The following PTPRQ variants were observed in gnomAD, a reference collection of about 807,000 sequenced individuals.
PTPRQ encodes protein tyrosine phosphatase receptor type Q, also known as phosphatidylinositol phosphatase PTPRQ.
A neutral mutation model predicts 246.0 loss-of-function variants in PTPRQ; 199 were observed. The ratio of observed to expected loss-of-function variants is 0.81; its 90% CI spans 0.72 to 0.91. PTPRQ has a LOEUF of 0.91. Ranked by LOEUF, PTPRQ falls within the 40% of genes least tolerant of loss-of-function variation. The pLI, the probability that PTPRQ is intolerant of heterozygous loss-of-function variation, is 0.00. For synonymous variants in PTPRQ, 869 were observed against 853.2 expected, an observed-to-expected ratio of 1.02 and a Z score of -0.32; for missense variants, 2,624 against 2,528.4, an observed-to-expected ratio of 1.04 and a Z score of -0.81.
At chr12:80,446,188 G>C (rs184334488) in intron 3 of PTPRQ, among the ~76,000 whole-genome samples, 1 of 149,684 alleles carries the variant, frequency 6.7e-6, no homozygotes, top group East Asian at 2.0e-4. Context: ...TACAATTTAC[G>C]TATGAAAATT....
At chr12:80,667,922 A>T (rs953830454) in intron 39 of PTPRQ, among the ~76,000 whole-genome samples, 1 of 151,966 alleles carries the variant, frequency 6.6e-6, no homozygotes, top group Admixed American at 6.6e-5. Context: ...ATTTTCTACA[A>T]GCAAATGTTC....
In PTPRQ at chr12:80,588,350, G is replaced by C; in HGVS notation, c.4507G>C (p.Gly1503Arg). The stretch of plus-strand genomic sequence containing the variant: ...TCACTTAACTGAAGAGACAGTATAT[G>C]GATTAAAGAAATTTAGATGGTATAG... ...EAHLTEETVY[G>R]LKKFRWYRFQ... is the part of the protein sequence containing the mutation. The change falls in exon 26 of 45, where the codon GGA becomes CGA. Residue 1503 changes from glycine (G) to arginine (R), a missense_variant. By Grantham distance (125) the Gly-to-Arg change is moderately radical (BLOSUM62 -2). Transcript: ENST00000644991. 6.5e-7 allele frequency: 1 copy of C among 1,548,642 alleles called. No homozygotes were observed. The highest frequency in any genetic ancestry group is 8.7e-7 in the Non-Finnish European group (1 of 1,145,280).
rs1444185093 is a variant in PTPRQ, at chr12:80,478,888, A to G, written c.1187-5545A>G. Among the ~76,000 whole-genome samples the G allele has an allele frequency of 2.0e-5, 3 of 152,224 alleles. No homozygotes were observed. The East Asian group carries it at 5.8e-4, about 29-fold the overall frequency. Reference sequence around the variant, plus strand: ...ATATGGGACTATGTGAAAAGACCAAATCTACGTCTGATTGGTGTACCTGAA... The same window carrying G: ...ATATGGGACTATGTGAAAAGACCAAGTCTACGTCTGATTGGTGTACCTGAA... On this transcript the variant is annotated intron_variant, in intron 8 of 44. Coordinates refer to ENST00000644991, the MANE Select transcript of PTPRQ (RefSeq NM_001145026.2).
intron 3 of PTPRQ, among the ~76,000 whole-genome samples, chr12:80,447,018 C>G (rs1490987561): frequency 6.6e-6 from 1 of 151,966 alleles, no homozygotes; most frequent in East Asian, 1.9e-4. Flanking sequence ...GGTTACATTT[C>G]TAGCAACAGT....
intron 26 of PTPRQ, among the ~76,000 whole-genome samples, chr12:80,593,505 C>T (rs1897869777): frequency 1.3e-5 from 2 of 152,238 alleles, no homozygotes; most frequent in Admixed American, 6.5e-5. Flanking sequence ...TCAACCAACT[C>T]AAGCTAACCA....
intron 35 of PTPRQ, among the ~76,000 whole-genome samples, chr12:80,637,178 A>G (rs908369622): frequency 5.3e-5 from 7 of 133,180 alleles, no homozygotes; most frequent in African/African-American, 2.0e-4. Flanking sequence ...GCGAGACTCC[A>G]TGTCAAACAA....
chr12:80,620,036 C>G (rs1214004617), intron 31 of PTPRQ, 118 bp from the exon 32 acceptor site: 87 of 1,277,826 alleles, frequency 6.8e-5, no homozygotes, highest in Non-Finnish European at 8.8e-5. Context: ...TGAATTATCT[C>G]TGGTGACTGA....
At chr12:80,505,980 T>G in intron 14 of PTPRQ, 44 bp from the exon 15 acceptor site, 1 of 1,512,342 alleles carries the variant, frequency 6.6e-7, no homozygotes, top group East Asian at 2.5e-5. Flanking sequence ...AATAGATTTT[T>G]AGAATGGAAT....
intron 26 of PTPRQ, among the ~76,000 whole-genome samples, chr12:80,589,555 A>G (rs1324717847): frequency 3.3e-5 from 5 of 152,252 alleles, no homozygotes; most frequent in Non-Finnish European, 5.9e-5. Context: ...GTACTTATAG[A>G]TAGTGAAATA....
intron 37 of PTPRQ, among the ~76,000 whole-genome samples, 197 bp downstream of exon 37, chr12:80,649,866 A>G (rs1900199335): frequency 6.6e-6 from 1 of 152,048 alleles, no homozygotes; most frequent in Non-Finnish European, 1.5e-5. Flanking sequence ...TTATTCACCT[A>G]CTGTGTCAGG....
Position 80,445,711 on chromosome 12 carries a change from A to C in PTPRQ, c.384A>C (p.Glu128Asp). Residue 128 changes from glutamate to aspartate, a missense_variant, in exon 3 of 45, where the codon GAA becomes GAC. Physicochemically the swap from Glu to Asp is conservative, Grantham distance 45. Coordinates refer to ENST00000644991, the MANE Select transcript of PTPRQ (RefSeq NM_001145026.2). ...ATCTTAATCCTGGAACAACATATGA[A>C]ATTAAGGTAATTATTTTGTGTATGA... ...LTNLNPGTTY[E>D]IKVAAENSAG... 9.2e-6 allele frequency: 14 copies of C among 1,519,308 alleles called. No individual in the cohort carries two copies. The highest frequency in any genetic ancestry group is 1.2e-5 in the Non-Finnish European group (13 of 1,117,998). 94.1% of individuals were successfully genotyped at this position (1,519,308 alleles called of 1,614,324 possible).
At chr12:80,560,846 A>G (rs368838257) in intron 25 of PTPRQ, among the ~76,000 whole-genome samples, 7 of 152,244 alleles carry the variant, frequency 4.6e-5, no homozygotes, top group East Asian at 1.9e-4. Context: ...GTGATAACCA[A>G]AAAGTTTTAA....
chr12:80,489,609 A>C (rs1304572221), intron 9 of PTPRQ, among the ~76,000 whole-genome samples: 1 of 151,930 alleles, frequency 6.6e-6, no homozygotes, highest in Non-Finnish European at 1.5e-5. Flanking sequence ...CCAGTTTGTC[A>C]AGGATCCTCT....
At chr12:80,517,812 C>G (rs549379746) in intron 17 of PTPRQ, among the ~76,000 whole-genome samples, 1 of 152,234 alleles carries the variant, frequency 6.6e-6, no homozygotes, top group Admixed American at 6.5e-5. Flanking sequence ...GATGGCATCT[C>G]ATTCTTTTTT....
At chr12:80,484,963 A>T (rs1048679518) in intron 9 of PTPRQ, among the ~76,000 whole-genome samples, 1 of 152,148 alleles carries the variant, frequency 6.6e-6, no homozygotes, top group Admixed American at 6.5e-5. Flanking sequence ...AATTTGGAAC[A>T]GTTGCCAGTG....
rs570606375 is a variant in PTPRQ, at chr12:80,456,088, T to C, written c.391-1487T>C. Among the ~76,000 whole-genome samples, 24 of 152,284 alleles carry C rather than the reference T, an allele frequency of 1.6e-4. No homozygotes were observed. The South Asian group carries it at 5.0e-3, about 32-fold the overall frequency. The stretch of plus-strand genomic sequence containing the variant: ...GGATCCTCCCTCAATATAACATCAA[T>C]ATCTTCTTTGAACCTTGAAAATAAT... On this transcript the variant is annotated intron_variant, in intron 3 of 44. Coordinates refer to ENST00000644991, the MANE Select transcript of PTPRQ (RefSeq NM_001145026.2).
chr12:80,513,713 A>T (rs1045850065), intron 17 of PTPRQ, among the ~76,000 whole-genome samples: 1 of 151,788 alleles, frequency 6.6e-6, no homozygotes, highest in African/African-American at 2.4e-5. Flanking sequence ...ACGTCACCTG[A>T]CCTTTTTATG....
At chr12:80,605,290 ATTACT>A (rs1350909563) in intron 27 of PTPRQ, 110 bp downstream of exon 27, 9 of 1,338,202 alleles carry the variant, frequency 6.7e-6, no homozygotes, top group Non-Finnish European at 9.0e-6. Flanking sequence ...CAGTAGGAAA[ATTACT>A]TTACTTGTTT....
chr12:80,677,750 G>A (rs749748274), intron 43 of PTPRQ, among the ~76,000 whole-genome samples: 1 of 152,108 alleles, frequency 6.6e-6, no homozygotes, highest in Non-Finnish European at 1.5e-5. Context: ...CAATAGATAC[G>A]AATATAACCT....
Sources: gnomAD v4.1 joint callset for allele counts (sites outside exome capture counted in the v4.1 genomes callset) on GRCh38, gnomAD v4.1.1 for gene constraint, MANE v1.5 for transcripts, NCBI Gene and HGNC (gene_info 2026-07-23, HGNC 2026-07-21) for gene names.